WWOX: variants seen among roughly 807,000 people sequenced by gnomAD.
WWOX encodes the protein WW domain containing oxidoreductase.
WWOX carries 69 observed loss-of-function variants against 46.2 expected under a neutral mutation model. That is an observed-to-expected ratio of 1.49 (90% confidence interval 1.23 to 1.82). The LOEUF (loss-of-function observed/expected upper bound fraction) is 1.82, where lower values mean the gene tolerates loss of function less well. Ranked by LOEUF, WWOX falls within the 40% of genes most tolerant of loss-of-function variation. The pLI is 0.00. For synonymous variants in WWOX, 359 were observed against 202.6 expected (o/e 1.77, Z -6.56); for missense variants, 919 against 542.6 (o/e 1.69, Z -6.89).
intron 8 of WWOX, among the ~76,000 whole-genome samples, chr16:78,570,601 A>G (rs992822000): frequency 4.6e-5 from 7 of 152,296 alleles, no homozygotes; most frequent in South Asian, 4.1e-4. Context: ...GGTGTGAGCC[A>G]CGAAGCCCAG....
intron 5 of WWOX, among the ~76,000 whole-genome samples, chr16:78,280,252 A>G (rs1049905171): frequency 1.3e-5 from 2 of 152,346 alleles, no homozygotes; most frequent in South Asian, 2.1e-4. Flanking sequence ...TTGCATGTCC[A>G]TTGGCATGGC....
chr16:79,181,490 G>A (rs545906348), intron 8 of WWOX, among the ~76,000 whole-genome samples: 1 of 151,996 alleles, frequency 6.6e-6, no homozygotes, highest in Admixed American at 6.5e-5. Flanking sequence ...ACATAATTTT[G>A]TATCCTGTGG....
chr16:78,648,768 T>C (rs1273655764), intron 8 of WWOX, among the ~76,000 whole-genome samples: 1 of 152,170 alleles, frequency 6.6e-6, no homozygotes. Flanking sequence ...TTTCTTTCTC[T>C]CCACCTCCTT....
At chr16:78,367,310 AT>A (rs2081559871) in intron 5 of WWOX, among the ~76,000 whole-genome samples, 1 of 152,204 alleles carries the variant, frequency 6.6e-6, no homozygotes, top group African/African-American at 2.4e-5. Context: ...TCTAAATCAA[AT>A]TTGTTCAACC....
intron 8 of WWOX, among the ~76,000 whole-genome samples, chr16:78,839,028 A>G (rs2052067304): frequency 6.6e-6 from 1 of 152,138 alleles, no homozygotes; most frequent in South Asian, 2.1e-4. Flanking sequence ...AAATCGTACT[A>G]GAGTTTTGTG....
chr16:78,818,454 G>A (rs2051401980), intron 8 of WWOX, among the ~76,000 whole-genome samples: 1 of 152,224 alleles, frequency 6.6e-6, no homozygotes, highest in Non-Finnish European at 1.5e-5. Flanking sequence ...TTTGAGGCTG[G>A]GTGCAGAGGC....
At chr16:78,532,775 G>T (rs1174031745) in intron 8 of WWOX, among the ~76,000 whole-genome samples, 2 of 151,980 alleles carry the variant, frequency 1.3e-5, no homozygotes, top group East Asian at 1.9e-4. Flanking sequence ...ATTTGCTATT[G>T]TGAGAACACC....
chr16:78,318,314 GA>G (rs1258097965), intron 5 of WWOX, among the ~76,000 whole-genome samples: 5 of 130,712 alleles, frequency 3.8e-5, no homozygotes, highest in African/African-American at 1.5e-4. Flanking sequence ...TACAGTTCTA[GA>G]AAAGTGTTGG....
chr16:78,231,225 C>G lies in WWOX; in HGVS notation c.516+66936C>G, dbSNP rs1432907306. ...CCTTTCAAACCAAACTCTTTCAAAG[C>G]CTTTTGCAAACTCTTTTATGGATTT... On this transcript the variant is annotated intron_variant, in intron 5 of 8. Coordinates refer to ENST00000566780, the MANE Select transcript of WWOX (RefSeq NM_016373.4). 2.6e-5 allele frequency among the ~76,000 whole-genome samples: 4 copies of G among 152,176 alleles called. No individual in the cohort carries two copies. In the East Asian group the frequency reaches 7.7e-4, roughly 29 times the overall value.
At chr16:78,137,052 C>A (rs2033818719) in intron 4 of WWOX, among the ~76,000 whole-genome samples, 3 of 152,170 alleles carry the variant, frequency 2.0e-5, no homozygotes, top group Admixed American at 1.3e-4. Flanking sequence ...CCATTCACAA[C>A]ATAAGTTGGA....
chr16:79,152,272 G>C lies in WWOX; in HGVS notation c.1057-59336G>C, dbSNP rs892778263. On this transcript the variant is annotated intron_variant, in intron 8 of 8. Coordinates refer to ENST00000566780, the MANE Select transcript of WWOX (RefSeq NM_016373.4). Reference sequence around the variant, plus strand: ...ATGAGGCAGAGAAGGGTACAGGCTGGCTGGACCATGCGATGGGGAATGCAG... The same window carrying C: ...ATGAGGCAGAGAAGGGTACAGGCTGCCTGGACCATGCGATGGGGAATGCAG... Among the ~76,000 whole-genome samples the C allele has an allele frequency of 3.3e-5, 5 of 152,284 alleles. No homozygotes were observed. The East Asian group carries it at 9.7e-4, about 30-fold the overall frequency.
At chr16:78,371,794 C>A (rs1236118241) in intron 5 of WWOX, among the ~76,000 whole-genome samples, 1 of 151,366 alleles carries the variant, frequency 6.6e-6, no homozygotes, top group African/African-American at 2.4e-5. Flanking sequence ...TTTTCTTTAT[C>A]TTTATCATTT....
intron 8 of WWOX, among the ~76,000 whole-genome samples, chr16:78,604,126 C>T (rs55798515): frequency 0.014 from 2,153 of 152,024 alleles, 49 homozygotes; most frequent in African/African-American, 0.048. Context: ...CCTGGGTGAC[C>T]GAGACCTTGT....
intron 8 of WWOX, among the ~76,000 whole-genome samples, chr16:78,779,193 G>A (rs1170478197): frequency 1.3e-5 from 2 of 152,178 alleles, no homozygotes; most frequent in South Asian, 2.1e-4. Context: ...TTCCCAGGCT[G>A]GAGTGCAGTG....
At chr16:78,786,409 C>T (rs2050457324) in intron 8 of WWOX, among the ~76,000 whole-genome samples, 1 of 152,154 alleles carries the variant, frequency 6.6e-6, no homozygotes, top group African/African-American at 2.4e-5. Context: ...ACACAGGATA[C>T]AGTCAATGAC....
intron 8 of WWOX, among the ~76,000 whole-genome samples, chr16:79,029,193 C>G (rs539997217): frequency 6.6e-6 from 1 of 152,240 alleles, no homozygotes; most frequent in South Asian, 2.1e-4. Flanking sequence ...ACTTTGGGTA[C>G]AGATGCACAG....
chr16:78,307,490 A>C (rs1287130900), intron 5 of WWOX, among the ~76,000 whole-genome samples: 1 of 152,208 alleles, frequency 6.6e-6, no homozygotes, highest in Non-Finnish European at 1.5e-5. Flanking sequence ...GAGGTGAAGC[A>C]GGTGTGAGGC....
intron 8 of WWOX, among the ~76,000 whole-genome samples, chr16:78,868,905 T>C (rs546460807): frequency 2.0e-5 from 3 of 151,978 alleles, no homozygotes; most frequent in East Asian, 3.9e-4. Flanking sequence ...TTTGCACTTT[T>C]CCCCCCTTTT....
chr16:78,752,918 G>A (rs1025522058), intron 8 of WWOX, among the ~76,000 whole-genome samples: 4 of 152,210 alleles, frequency 2.6e-5, no homozygotes, highest in African/African-American at 7.2e-5. Flanking sequence ...AGCAGCAACG[G>A]CACACTCCAG....
Sources: gnomAD v4.1 joint callset for allele counts (sites outside exome capture counted in the v4.1 genomes callset) on GRCh38, gnomAD v4.1.1 for gene constraint, MANE v1.5 for transcripts, NCBI Gene and HGNC (gene_info 2026-07-23, HGNC 2026-07-21) for gene names.